The following UTP6 variants were observed in gnomAD, a reference collection of about 807,000 sequenced individuals.
UTP6 encodes the protein U3 small nucleolar RNA-associated protein 6 homolog.
In UTP6, 60 loss-of-function variants were observed where a neutral mutation model predicts 96.5. The ratio of observed to expected loss-of-function variants is 0.62; its 90% CI spans 0.51 to 0.77. The LOEUF (loss-of-function observed/expected upper bound fraction) is 0.77, where lower values mean the gene tolerates loss of function less well. Among genes scored for constraint, UTP6 ranks in the 30% least tolerant of loss-of-function variants. The pLI, the probability that UTP6 is intolerant of heterozygous loss-of-function variation, is 0.00. For missense variants in UTP6, 637 were observed against 706.5 expected, an observed-to-expected ratio of 0.90 and a Z score of 1.12; for synonymous variants, 215 against 240.1, an observed-to-expected ratio of 0.90 and a Z score of 0.96.
Position 31,873,533 on chromosome 17 carries a change from T to C in UTP6, c.1387-46A>G, listed in dbSNP as rs16967031. 4,412 of 1,607,928 alleles carry C rather than the reference T, an allele frequency of 2.7e-3. 84 individuals are homozygous for C. The African/African-American group carries it at 0.048, about 18-fold the overall frequency. ...GAAAGAAGCTATGTGAGAAAACTTA[T>C]AGATACCAAAACAGATTTTCCCAGA... On this transcript the variant is annotated intron_variant, in intron 15 of 18. Transcript: ENST00000261708.
Position 31,899,640 on chromosome 17 carries a change from A to G in UTP6, c.177+6T>C. 1 of 1,571,674 alleles carries G rather than the reference A, an allele frequency of 6.4e-7. No individual in the cohort carries two copies. The highest frequency in any genetic ancestry group is 8.6e-7 in the Non-Finnish European group (1 of 1,162,566). On this transcript the variant is annotated splice_donor_region_variant and intron_variant, in intron 2 of 18. Coordinates refer to ENST00000261708, the MANE Select transcript of UTP6 (RefSeq NM_018428.3). Reference sequence around the variant, plus strand: ...AAAAGAAAGAAATTATTAATTACACACTTACTTGAACATAATTGATAAAGT... The same window carrying G: ...AAAAGAAAGAAATTATTAATTACACGCTTACTTGAACATAATTGATAAAGT...
chr17:31,868,177 T>A, intron 16 of UTP6, 65 bp from the exon 17 acceptor site: 1 of 1,476,516 alleles, frequency 6.8e-7, no homozygotes, highest in Non-Finnish European at 9.3e-7. Flanking sequence ...CTCATAACTG[T>A]AAATACCGAG....
At chr17:31,878,152 C>T in intron 13 of UTP6, 98 bp downstream of exon 13, 1 of 1,248,212 alleles carries the variant, frequency 8.0e-7, no homozygotes, top group Non-Finnish European at 1.1e-6. Context: ...AAGTGGCCTT[C>T]ATCTTAAGAC....
intron 14 of UTP6, 90 bp from the exon 15 acceptor site, chr17:31,873,843 AT>A (rs1423001894): frequency 2.2e-5 from 31 of 1,390,030 alleles, no homozygotes; most frequent in African/African-American, 4.4e-5. Flanking sequence ...TTATGTATCA[AT>A]TTTTTTATGC....
intron 2 of UTP6, 73 bp from the exon 3 acceptor site, chr17:31,895,084 T>TA (rs1403510367): frequency 7.8e-6 from 9 of 1,157,874 alleles, no homozygotes; most frequent in Non-Finnish European, 1.1e-5. Flanking sequence ...GAAATTTAGT[T>TA]AAAGTCATAA....
intron 2 of UTP6, among the ~76,000 whole-genome samples, chr17:31,896,343 G>A (rs917062203): frequency 1.3e-5 from 2 of 152,020 alleles, no homozygotes; most frequent in Non-Finnish European, 2.9e-5. Flanking sequence ...CTCCCAAAGT[G>A]CTAGGATTAC....
intron 13 of UTP6, 61 bp downstream of exon 13, chr17:31,878,189 C>A (rs542486674): frequency 6.4e-7 from 1 of 1,552,764 alleles, no homozygotes; most frequent in South Asian, 1.1e-5. Context: ...ATGACTCTGG[C>A]ACAAAACAAC....
chr17:31,878,396 C>G, intron 12 of UTP6, 69 bp from the exon 13 acceptor site: 1 of 1,477,438 alleles, frequency 6.8e-7, no homozygotes, highest in African/African-American at 1.4e-5. Flanking sequence ...CTGACATGAA[C>G]AAAAGCAGTT....
At chr17:31,865,050 C>T (rs1445278825) in intron 18 of UTP6, among the ~76,000 whole-genome samples, 1 of 151,170 alleles carries the variant, frequency 6.6e-6, no homozygotes, top group Non-Finnish European at 1.5e-5. Flanking sequence ...CGGAGTTTCA[C>T]TGTTGTTGCC....
At chr17:31,871,226 T>C (rs1383795657) in intron 16 of UTP6, among the ~76,000 whole-genome samples, 2 of 151,802 alleles carry the variant, frequency 1.3e-5, no homozygotes, top group South Asian at 2.1e-4. Context: ...ACTCCTGACC[T>C]TGTGATCCGC....
intron 10 of UTP6, 55 bp downstream of exon 10, chr17:31,884,369 C>T: frequency 7.1e-7 from 1 of 1,401,390 alleles, no homozygotes; most frequent in East Asian, 2.4e-5. Flanking sequence ...AACCTCAAAC[C>T]CTTAATCTCA....
chr17:31,885,921 T>C lies in UTP6; in HGVS notation c.703+59A>G, dbSNP rs1344612658. On this transcript the variant is annotated intron_variant, in intron 9 of 18. Coordinates refer to ENST00000261708, the MANE Select transcript of UTP6 (RefSeq NM_018428.3). ...AAAATTTCAAAACTAGCTAAAGATC[T>C]TCATTAAGAAAAGAATGTTTCACTT... 2.0e-6 allele frequency: 3 copies of C among 1,486,136 alleles called. No individual in the cohort carries two copies. The East Asian group carries it at 6.8e-5, about 34-fold the overall frequency. 92.1% of individuals were successfully genotyped at this position (1,486,136 alleles called of 1,614,324 possible).
intron 10 of UTP6, among the ~76,000 whole-genome samples, chr17:31,883,579 T>G (rs1472911708): frequency 1.3e-5 from 2 of 152,002 alleles, no homozygotes; most frequent in Non-Finnish European, 2.9e-5. Flanking sequence ...CCTCCCAAAG[T>G]GCCGGGATTA....
Position 31,884,545 on chromosome 17 carries a change from T to A in UTP6, c.704-40A>T, listed in dbSNP as rs1040272782. 3 of 1,468,482 alleles carry A rather than the reference T, an allele frequency of 2.0e-6. No individual in the cohort carries two copies. The African/African-American group carries it at 4.2e-5, about 21-fold the overall frequency. 91.0% of individuals were successfully genotyped at this position (1,468,482 alleles called of 1,614,324 possible). A position where few individuals can be genotyped will look rare whatever the true frequency, so the allele number is the denominator to read the frequency against. ...CAGGGGAGGGGAAGTTTATTGCCAA[T>A]AAGAATCACTTTACTTTAAAAGTAG... On this transcript the variant is annotated intron_variant, in intron 9 of 18. Coordinates refer to ENST00000261708, the MANE Select transcript of UTP6 (RefSeq NM_018428.3).
At chr17:31,875,788 A>G (rs1401390439) in intron 13 of UTP6, among the ~76,000 whole-genome samples, 1 of 149,478 alleles carries the variant, frequency 6.7e-6, no homozygotes, top group African/African-American at 2.5e-5. Flanking sequence ...ACACCACTGC[A>G]CTCCAACCTC....
chr17:31,885,865 T>C, intron 9 of UTP6, 115 bp downstream of exon 9: 1 of 826,586 alleles, frequency 1.2e-6, no homozygotes, highest in East Asian at 2.5e-5. Context: ...CAGGACACTA[T>C]TCCTACAGAG....
intron 16 of UTP6, among the ~76,000 whole-genome samples, chr17:31,868,638 C>T (rs535757207): frequency 6.6e-6 from 1 of 152,002 alleles, no homozygotes; most frequent in Non-Finnish European, 1.5e-5. Context: ...GTTTAATTTT[C>T]TTACTGTACT....
Position 31,878,778 on chromosome 17 carries a change from G to A in UTP6, c.971C>T (p.Ala324Val). 6.2e-7 allele frequency: 1 copy of A among 1,613,948 alleles called. No homozygotes were observed. Among genetic ancestry groups the A allele is most frequent in the African/African-American group, 1.3e-5 (1 of 75,022 alleles). The stretch of plus-strand genomic sequence containing the variant: ...AAAGGTGATGTAACACTTCCACATG[G>A]CCTCTGGAAAAGTCAGAAAGATTGT... Reference protein sequence around the residue: ...EEAVKTLPTEAMWKCYITFCL... With the variant: ...EEAVKTLPTEVMWKCYITFCL... The change falls in exon 12 of 19, where the codon GCC (alanine) becomes GTC (valine). Residue 324 changes from alanine (A) to valine (V), a missense_variant. Coordinates refer to ENST00000261708, the MANE Select transcript of UTP6 (RefSeq NM_018428.3).
intron 7 of UTP6, chr17:31,888,285 A>T (rs1911267484): frequency 6.6e-6 from 1 of 152,172 alleles, no homozygotes; most frequent in Non-Finnish European, 1.5e-5. Context: ...AAGTATAAAG[A>T]GGCTAAATCT....
Sources: allele counts gnomAD v4.1 joint callset (sites outside exome capture counted in the v4.1 genomes callset), GRCh38; gene constraint gnomAD v4.1.1; transcripts MANE v1.5; gene names NCBI Gene and HGNC (gene_info 2026-07-23, HGNC 2026-07-21).